Variants in MICU1 observed in about 807,000 individuals in gnomAD.
The protein encoded by MICU1 is calcium uptake protein 1, mitochondrial.
In MICU1, 45 loss-of-function variants were observed where a neutral mutation model predicts 56.8. That is an observed-to-expected ratio of 0.79 (90% CI 0.62 to 1.02). MICU1 has a LOEUF of 1.02. MICU1 is among the 50% of genes least tolerant of loss of function. The pLI is 0.00. For synonymous variants in MICU1, 186 were observed against 195.1 expected (o/e 0.95, Z 0.39); for missense variants, 504 against 587.1 (o/e 0.86, Z 1.46).
intron 4 of MICU1, among the ~76,000 whole-genome samples, chr10:72,541,574 C>T (rs1589323377): frequency 6.6e-6 from 1 of 152,102 alleles, no homozygotes. Context: ...TTTTCCACAC[C>T]CCTGTGATTT....
intron 9 of MICU1, among the ~76,000 whole-genome samples, chr10:72,421,264 C>A (rs1183543414): frequency 6.7e-6 from 1 of 149,776 alleles, no homozygotes; most frequent in Non-Finnish European, 1.5e-5. Flanking sequence ...TTTTCTTTAT[C>A]TTTTTTTTTG....
chr10:72,552,875 C>T (rs1315199168), intron 3 of MICU1, among the ~76,000 whole-genome samples: 1 of 152,078 alleles, frequency 6.6e-6, no homozygotes, highest in Non-Finnish European at 1.5e-5. Context: ...TTTAAATTTG[C>T]CACATTAACA....
chr10:72,528,630 G>A (rs982804127), intron 5 of MICU1: 1 of 159,464 alleles, frequency 6.3e-6, no homozygotes, highest in African/African-American at 2.4e-5. Flanking sequence ...CCTGTCCCAT[G>A]AGACTTTTAG....
intron 1 of MICU1, among the ~76,000 whole-genome samples, chr10:72,607,884 C>T (rs1052761230): frequency 6.6e-6 from 1 of 151,970 alleles, no homozygotes; most frequent in African/African-American, 2.4e-5. Context: ...TAGTTAGTAC[C>T]AGAATTGAAC....
At chr10:72,519,626 G>T (rs981509161) in intron 5 of MICU1, among the ~76,000 whole-genome samples, 4 of 152,166 alleles carry the variant, frequency 2.6e-5, no homozygotes, top group Non-Finnish European at 4.4e-5. Context: ...GGTGCCATGA[G>T]GGGCACTGGA....
intron 11 of MICU1, among the ~76,000 whole-genome samples, chr10:72,370,547 C>T (rs1862298377): frequency 6.6e-6 from 1 of 152,032 alleles, no homozygotes; most frequent in African/African-American, 2.4e-5. Flanking sequence ...AAACACTTGG[C>T]TTATTTATAT....
chr10:72,526,102 T>C (rs373146004), intron 5 of MICU1, among the ~76,000 whole-genome samples: 1 of 152,072 alleles, frequency 6.6e-6, no homozygotes, highest in Non-Finnish European at 1.5e-5. Flanking sequence ...GGTTATGGTA[T>C]ATAAAAAAGA....
At chr10:72,411,270 T>C (rs1422876098) in intron 9 of MICU1, among the ~76,000 whole-genome samples, 4 of 151,848 alleles carry the variant, frequency 2.6e-5, no homozygotes, top group Non-Finnish European at 4.4e-5. Context: ...TGGAAATAGA[T>C]GTGTATTTTA....
intron 10 of MICU1, among the ~76,000 whole-genome samples, chr10:72,388,871 T>G (rs1419750262): frequency 1.3e-5 from 2 of 152,178 alleles, no homozygotes; most frequent in African/African-American, 2.4e-5. Context: ...GACTGGGAAT[T>G]AGAGAGACCT....
rs749002523 is a variant in MICU1, at chr10:72,555,170, TGAA to T, written c.331-3832_331-3830del. On this transcript the variant is annotated intron_variant, in intron 3 of 11. Transcript: ENST00000361114. ...AAAAAATTCCCCAGCAAGGGGAAGA[TGAA>T]GAAGAACATGAAGATCATTATCATA... is the stretch of plus-strand genomic sequence containing the variant. 5.9e-5 allele frequency among the ~76,000 whole-genome samples: 9 copies of T among 152,136 alleles called. No homozygotes were observed. In the East Asian group the frequency reaches 9.6e-4, roughly 16 times the overall value.
At chr10:72,569,791 A>T (rs1339409775) in intron 1 of MICU1, among the ~76,000 whole-genome samples, 1 of 152,158 alleles carries the variant, frequency 6.6e-6, no homozygotes, top group Non-Finnish European at 1.5e-5. Flanking sequence ...AGGGCTCAGT[A>T]TAGTACCTCA....
intron 10 of MICU1, among the ~76,000 whole-genome samples, chr10:72,382,049 T>C (rs1862726898): frequency 6.6e-6 from 1 of 151,442 alleles, no homozygotes; most frequent in Non-Finnish European, 1.5e-5. Context: ...ATCAGATATA[T>C]TAATACACAC....
intron 6 of MICU1, 24 bp downstream of exon 6, chr10:72,508,131 G>GA (rs1309361943): frequency 1.5e-6 from 2 of 1,292,490 alleles, no homozygotes; most frequent in African/African-American, 2.9e-5. Flanking sequence ...TCTACAAATG[G>GA]AAAAAGAAAA....
intron 1 of MICU1, among the ~76,000 whole-genome samples, chr10:72,624,993 A>G (rs914441660): frequency 3.3e-5 from 5 of 152,218 alleles, no homozygotes; most frequent in African/African-American, 1.2e-4. Context: ...ATATGGTCCA[A>G]TGAAACCTAA....
rs189112817 is a variant in MICU1, at chr10:72,477,461, T to G, written c.653-205A>C. On this transcript the variant is annotated intron_variant, in intron 6 of 11. Transcript: ENST00000361114. ...ACTCCTTGAAACCAAAAAAGAGTAG[T>G]ACTACGGCCAGTAAAGACAGCACTT... The G allele has an allele frequency of 7.6e-4, 1,139 of 1,496,022 alleles. 1 individual carries two copies. Among genetic ancestry groups the G allele is most frequent in the Non-Finnish European group, 9.7e-4 (1,080 of 1,107,894 alleles). The allele number at this position is 1,496,022 out of a possible 1,614,324, so 92.7% of individuals were successfully genotyped here. A position where few individuals can be genotyped will look rare whatever the true frequency, so the allele number is the denominator to read the frequency against.
chr10:72,566,502 T>C, intron 2 of MICU1, 131 bp downstream of exon 2: 1 of 909,950 alleles, frequency 1.1e-6, no homozygotes, highest in Non-Finnish European at 1.6e-6. Flanking sequence ...AGACGAATAT[T>C]AACAATACCA....
chr10:72,546,752 G>A (rs1460281338), intron 4 of MICU1, among the ~76,000 whole-genome samples: 1 of 152,072 alleles, frequency 6.6e-6, no homozygotes, highest in South Asian at 2.1e-4. Flanking sequence ...TTGAGACAGG[G>A]TCTCACACTG....
intron 4 of MICU1, among the ~76,000 whole-genome samples, chr10:72,534,425 A>G (rs1839573219): frequency 1.3e-5 from 2 of 152,194 alleles, no homozygotes; most frequent in African/African-American, 4.8e-5. Context: ...TGCTTGATCA[A>G]TAAATATCTG....
In MICU1 at chr10:72,373,358, G is replaced by C. The variant is rs143340999; in HGVS notation, c.1270+2425C>G. 3.7e-3 allele frequency among the ~76,000 whole-genome samples: 568 copies of C among 151,806 alleles called. 3 individuals carry two copies. Among genetic ancestry groups the C allele is most frequent in the African/African-American group, 0.013 (537 of 41,396 alleles). On this transcript the variant is annotated intron_variant, in intron 11 of 11. Coordinates refer to ENST00000361114, the MANE Select transcript of MICU1 (RefSeq NM_001195518.2). ...CACACCTTGGCTAAACTTATTTTTT[G>C]TAGCGATGGGATCTCGCTATGTTGC... is the stretch of plus-strand genomic sequence containing the variant.
Sources: gnomAD v4.1 joint callset for allele counts (sites outside exome capture counted in the v4.1 genomes callset) on GRCh38, gnomAD v4.1.1 for gene constraint, MANE v1.5 for transcripts, NCBI Gene and HGNC (gene_info 2026-07-23, HGNC 2026-07-21) for gene names.